EEA1: variants seen among roughly 807,000 people sequenced by gnomAD.
EEA1 encodes the protein early endosome antigen 1.
EEA1 carries 111 observed loss-of-function variants against 209.2 expected under a neutral mutation model. The ratio of observed to expected loss-of-function variants is 0.53; its 90% CI spans 0.45 to 0.62. The LOEUF is 0.62. EEA1 is among the 20% of genes least tolerant of loss of function. The pLI, the probability that EEA1 is intolerant of heterozygous loss-of-function variation, is 0.00. For synonymous variants in EEA1, 536 were observed against 540.6 expected (o/e 0.99, Z 0.12); for missense variants, 1,343 against 1,530.8 (o/e 0.88, Z 2.05).
At chr12:92,816,720 A>C (rs1875803961) in intron 14 of EEA1, among the ~76,000 whole-genome samples, 2 of 152,192 alleles carry the variant, frequency 1.3e-5, no homozygotes, top group Non-Finnish European at 2.9e-5. Context: ...AATCAAGATA[A>C]AGAACATTTC....
At chr12:92,804,005 G>A (rs1460757588) in intron 18 of EEA1, among the ~76,000 whole-genome samples, 1 of 151,324 alleles carries the variant, frequency 6.6e-6, no homozygotes, top group East Asian at 1.9e-4. Flanking sequence ...AAGTAACTAA[G>A]GGAAGAAATA....
At chr12:92,848,449 C>T (rs925234195) in intron 9 of EEA1, among the ~76,000 whole-genome samples, 1 of 151,860 alleles carries the variant, frequency 6.6e-6, no homozygotes, top group East Asian at 1.9e-4. Flanking sequence ...ATAGCAAGAC[C>T]CCATCTCTAC....
intron 1 of EEA1, among the ~76,000 whole-genome samples, chr12:92,902,569 C>T (rs1393293934): frequency 1.3e-5 from 2 of 152,008 alleles, no homozygotes; most frequent in African/African-American, 4.8e-5. Context: ...GGTGAAACCC[C>T]GTCTCTACTA....
At chr12:92,888,258 T>A (rs557354302) in intron 2 of EEA1, among the ~76,000 whole-genome samples, 5 of 152,156 alleles carry the variant, frequency 3.3e-5, no homozygotes, top group African/African-American at 4.8e-5. Context: ...GTCCTCATTT[T>A]AAAAAAATCC....
chr12:92,890,942 C>G (rs1879633709), intron 2 of EEA1, among the ~76,000 whole-genome samples: 1 of 152,126 alleles, frequency 6.6e-6, no homozygotes, highest in Non-Finnish European at 1.5e-5. Flanking sequence ...TGGGTAAGGA[C>G]TACAGCTAGG....
intron 2 of EEA1, among the ~76,000 whole-genome samples, chr12:92,873,382 T>C (rs971596246): frequency 1.3e-5 from 2 of 152,098 alleles, no homozygotes; most frequent in African/African-American, 2.4e-5. Flanking sequence ...AATGAGAATA[T>C]GAAGAAGAAA....
chr12:92,843,525 T>C (rs548942296), intron 9 of EEA1, among the ~76,000 whole-genome samples: 17 of 152,162 alleles, frequency 1.1e-4, no homozygotes, highest in Non-Finnish European at 1.8e-4. Context: ...AAAAATAATA[T>C]AAGACAAAGA....
At chr12:92,878,792 C>A (rs963410209) in intron 2 of EEA1, among the ~76,000 whole-genome samples, 4 of 152,078 alleles carry the variant, frequency 2.6e-5, no homozygotes, top group Non-Finnish European at 5.9e-5. Flanking sequence ...TTATCTCTTA[C>A]CAAAATCATG....
chr12:92,848,459 C>T (rs1256639760), intron 9 of EEA1, among the ~76,000 whole-genome samples: 1 of 151,842 alleles, frequency 6.6e-6, no homozygotes, highest in African/African-American at 2.4e-5. Flanking sequence ...CCCATCTCTA[C>T]CAAAAATAAT....
intron 10 of EEA1, among the ~76,000 whole-genome samples, chr12:92,836,503 G>A (rs563911985): frequency 7.0e-4 from 106 of 152,242 alleles, no homozygotes; most frequent in African/African-American, 2.5e-3. Flanking sequence ...AGCTTACAAA[G>A]TTATTTCAGA....
chr12:92,858,461 A>G, intron 3 of EEA1: 1 of 1,189,892 alleles, frequency 8.4e-7, no homozygotes, highest in Non-Finnish European at 1.3e-6. Flanking sequence ...ACAGAAATGA[A>G]GAAGACATTG....
intron 1 of EEA1, among the ~76,000 whole-genome samples, chr12:92,928,160 A>G (rs1881280228): frequency 6.9e-6 from 1 of 145,360 alleles, no homozygotes. Flanking sequence ...AAAAAGCTAT[A>G]CCAAAAAAAA....
intron 21 of EEA1, among the ~76,000 whole-genome samples, chr12:92,797,497 C>T (rs1286406101): frequency 6.6e-6 from 1 of 152,118 alleles, no homozygotes; most frequent in African/African-American, 2.4e-5. Context: ...GGAGGGTCAA[C>T]TGTACAGGCA....
intron 2 of EEA1, among the ~76,000 whole-genome samples, chr12:92,870,790 C>T (rs1878608054): frequency 6.6e-6 from 1 of 152,102 alleles, no homozygotes; most frequent in African/African-American, 2.4e-5. Context: ...GATTCTTGTG[C>T]CTCAGCCTTC....
At chr12:92,906,267 T>A (rs1880382855) in intron 1 of EEA1, among the ~76,000 whole-genome samples, 1 of 151,566 alleles carries the variant, frequency 6.6e-6, no homozygotes, top group Non-Finnish European at 1.5e-5. Context: ...AATTTTTGTA[T>A]TTTTTTTATA....
chr12:92,831,862 GAT>G (rs1876659699), intron 11 of EEA1, among the ~76,000 whole-genome samples: 1 of 150,128 alleles, frequency 6.7e-6, no homozygotes, highest in African/African-American at 2.4e-5. Flanking sequence ...GAGGCGGGTG[GAT>G]CATGAGGTCA....
intron 2 of EEA1, among the ~76,000 whole-genome samples, chr12:92,878,064 T>C (rs1430119366): frequency 6.6e-6 from 1 of 151,964 alleles, no homozygotes; most frequent in African/African-American, 2.4e-5. Context: ...ATGATAAGGA[T>C]AATACACCCT....
At position 92,883,865 on chromosome 12, in the gene EEA1, G is replaced by A. The variant is rs1288082979; in HGVS notation, c.117+7764C>T. The A allele has an allele frequency of 3.7e-6, 6 of 1,602,252 alleles. 1 individual carries two copies. Among genetic ancestry groups the A allele is most frequent in the South Asian group, 3.3e-5 (3 of 90,816 alleles). On this transcript the variant is annotated intron_variant, in intron 2 of 28. Coordinates refer to ENST00000322349, the MANE Select transcript of EEA1 (RefSeq NM_003566.4). ...TTTAAAACAACCGATGAGAGCCTGA[G>A]GAGCCATTTTGAGCAATGGGGAACG...
intron 1 of EEA1, among the ~76,000 whole-genome samples, chr12:92,910,412 T>C (rs1353750151): frequency 2.6e-5 from 4 of 151,122 alleles, no homozygotes; most frequent in African/African-American, 9.7e-5. Flanking sequence ...GAGGTTGCAG[T>C]GAGCCAAGAT....
Sources: gnomAD v4.1 joint callset for allele counts (sites outside exome capture counted in the v4.1 genomes callset) on GRCh38, gnomAD v4.1.1 for gene constraint, MANE v1.5 for transcripts, NCBI Gene and HGNC (gene_info 2026-07-23, HGNC 2026-07-21) for gene names.